The following LRP1B variants were observed in gnomAD, a reference collection of about 807,000 sequenced individuals.
LRP1B encodes the protein low-density lipoprotein receptor-related protein 1B.
In LRP1B, 217 loss-of-function variants were observed where a neutral mutation model predicts 556.6. The observed-to-expected ratio is 0.39, with a 90% CI of 0.35 to 0.44. The LOEUF is 0.44. Ranked by LOEUF, LRP1B falls within the 20% of genes least tolerant of loss-of-function variation. LRP1B has a pLI of 1.00. For synonymous variants in LRP1B, 2,047 were observed against 1,865.8 expected (o/e 1.10, Z -2.50); for missense variants, 5,053 against 5,620.8 (o/e 0.90, Z 3.23).
intron 66 of LRP1B, among the ~76,000 whole-genome samples, chr2:140,435,767 T>G (rs993349299): frequency 6.6e-6 from 1 of 152,130 alleles, no homozygotes; most frequent in African/African-American, 2.4e-5. Context: ...ATGAAAGCTA[T>G]GAAAAACCTA....
intron 18 of LRP1B, among the ~76,000 whole-genome samples, chr2:140,957,224 G>A (rs1033909638): frequency 1.3e-5 from 2 of 151,614 alleles, no homozygotes; most frequent in African/African-American, 4.8e-5. Context: ...AAACTGATAT[G>A]AATAATATGT....
At chr2:140,408,985 G>T (rs1369747408) in intron 66 of LRP1B, among the ~76,000 whole-genome samples, 4 of 151,902 alleles carry the variant, frequency 2.6e-5, no homozygotes, top group Admixed American at 2.0e-4. Flanking sequence ...TGTTTATTCA[G>T]AACTTCTCTT....
chr2:140,455,581 C>G (rs1395306543), intron 62 of LRP1B, among the ~76,000 whole-genome samples: 1 of 152,126 alleles, frequency 6.6e-6, no homozygotes, highest in Non-Finnish European at 1.5e-5. Context: ...TTCTGGCTCC[C>G]TGAAAAAGTT....
At chr2:141,761,483 T>A (rs1255131800) in intron 2 of LRP1B, among the ~76,000 whole-genome samples, 1 of 151,942 alleles carries the variant, frequency 6.6e-6, no homozygotes, top group Admixed American at 6.6e-5. Context: ...AAGAAAAAAA[T>A]TTTAATTTCT....
At chr2:141,796,284 G>A (rs547093998) in intron 2 of LRP1B, among the ~76,000 whole-genome samples, 8 of 151,904 alleles carry the variant, frequency 5.3e-5, no homozygotes, top group South Asian at 2.1e-4. Context: ...GGTTCCAATC[G>A]GAGTGCAGAA....
chr2:141,966,348 A>G (rs545471660), intron 1 of LRP1B, among the ~76,000 whole-genome samples: 3 of 151,906 alleles, frequency 2.0e-5, no homozygotes, highest in Admixed American at 6.6e-5. Context: ...CCTGTAATGG[A>G]AAAGGGGGTT....
In LRP1B at chr2:141,865,364, G is replaced by T. The variant is rs557182150; in HGVS notation, c.83-54963C>A. Among the ~76,000 whole-genome samples, 8 of 151,868 alleles carry T rather than the reference G, an allele frequency of 5.3e-5. No homozygotes were observed. The East Asian group carries it at 7.8e-4, about 15-fold the overall frequency. ...TCCCAGCACTTTGGGAGGCCGAGGC[G>T]GGCGGATCACGAGGTCAGGAGATCG... is the stretch of plus-strand genomic sequence containing the variant. On this transcript the variant is annotated intron_variant, in intron 1 of 90. Transcript: ENST00000389484.
At chr2:140,947,085 C>T (rs994449535) in intron 20 of LRP1B, among the ~76,000 whole-genome samples, 1 of 152,092 alleles carries the variant, frequency 6.6e-6, no homozygotes, top group Admixed American at 6.6e-5. Context: ...ATCTGGGTGA[C>T]AGAATTAATA....
At chr2:140,673,959 C>A (rs370725691) in intron 41 of LRP1B, among the ~76,000 whole-genome samples, 3 of 111,676 alleles carry the variant, frequency 2.7e-5, no homozygotes, top group African/African-American at 1.0e-4. Flanking sequence ...TTTTTTTTTT[C>A]TTTTTTTGCG....
At chr2:142,061,804 AT>A (rs1704928735) in intron 1 of LRP1B, among the ~76,000 whole-genome samples, 1 of 151,958 alleles carries the variant, frequency 6.6e-6, no homozygotes, top group African/African-American at 2.4e-5. Flanking sequence ...TTCGTCTGAT[AT>A]TTTCACCTCT....
At position 141,798,786 on chromosome 2, in the gene LRP1B, CA is replaced by C. The variant is rs375747630; in HGVS notation, c.205+11492del. Among the ~76,000 whole-genome samples the C allele has an allele frequency of 3.2e-4, 49 of 151,470 alleles. 1 individual carries two copies. Among genetic ancestry groups the C allele is most frequent in the African/African-American group, 1.1e-3 (46 of 41,242 alleles). ...GTGTTATGGGCTGAATTGGTCCTCCCAAAATTCATATGTGGAAGTCCTAAAC... is the reference window on the plus strand; with the variant it reads ...GTGTTATGGGCTGAATTGGTCCTCCCAAATTCATATGTGGAAGTCCTAAAC... On this transcript the variant is annotated intron_variant, in intron 2 of 90. Coordinates refer to ENST00000389484, the MANE Select transcript of LRP1B (RefSeq NM_018557.3).
chr2:142,106,204 T>C (rs1706741370), intron 1 of LRP1B, among the ~76,000 whole-genome samples: 1 of 152,168 alleles, frequency 6.6e-6, no homozygotes, highest in Non-Finnish European at 1.5e-5. Context: ...TTTCCTGCCA[T>C]CTATAGAAGC....
chr2:141,508,129 C>A (rs1056378904), intron 2 of LRP1B, among the ~76,000 whole-genome samples: 1 of 151,240 alleles, frequency 6.6e-6, no homozygotes, highest in African/African-American at 2.4e-5. Context: ...TAAAACATAG[C>A]TCTAATTGTC....
intron 2 of LRP1B, among the ~76,000 whole-genome samples, chr2:141,540,536 T>A (rs899637768): frequency 5.9e-5 from 9 of 152,002 alleles, no homozygotes; most frequent in African/African-American, 1.7e-4. Context: ...GCTTCAAGAC[T>A]CATAGAAAGC....
chr2:140,824,520 T>C (rs1691438833), intron 31 of LRP1B, among the ~76,000 whole-genome samples: 1 of 152,106 alleles, frequency 6.6e-6, no homozygotes, highest in Admixed American at 6.6e-5. Context: ...TTAGACAGGA[T>C]AAGCTAGAGA....
intron 21 of LRP1B, among the ~76,000 whole-genome samples, chr2:140,918,659 T>A (rs1015370956): frequency 6.6e-6 from 1 of 152,120 alleles, no homozygotes; most frequent in Non-Finnish European, 1.5e-5. Flanking sequence ...ATAGGTGTTA[T>A]AGACCGAATG....
intron 82 of LRP1B, among the ~76,000 whole-genome samples, chr2:140,317,818 C>A (rs562185082): frequency 6.6e-6 from 1 of 151,958 alleles, no homozygotes; most frequent in Non-Finnish European, 1.5e-5. Flanking sequence ...TTAGGGCATG[C>A]GCGTTACTAT....
At chr2:140,455,735 C>G (rs1384794017) in intron 62 of LRP1B, among the ~76,000 whole-genome samples, 2 of 152,070 alleles carry the variant, frequency 1.3e-5, no homozygotes, top group Non-Finnish European at 2.9e-5. Context: ...GAAATCATTG[C>G]TAGTAACTAG....
chr2:141,357,177 T>A (rs753056731), intron 3 of LRP1B, among the ~76,000 whole-genome samples: 165 of 152,190 alleles, frequency 1.1e-3, no homozygotes, highest in Admixed American at 1.9e-3. Flanking sequence ...TGCCTCAGCC[T>A]CCCGAGTAGC....
Sources: allele counts gnomAD v4.1 joint callset (sites outside exome capture counted in the v4.1 genomes callset), GRCh38; gene constraint gnomAD v4.1.1; transcripts MANE v1.5; gene names NCBI Gene and HGNC (gene_info 2026-07-23, HGNC 2026-07-21).